LMF2: variants seen among roughly 807,000 people sequenced by gnomAD.
LMF2 encodes the protein lipase maturation factor 2.
A neutral mutation model predicts 81.5 loss-of-function variants in LMF2; 113 were observed. The observed-to-expected ratio is 1.39, with a 90% CI of 1.19 to 1.62. LMF2 has a LOEUF of 1.62. Among genes scored for constraint, LMF2 ranks in the 40% most tolerant of loss-of-function variants. The pLI, the probability that LMF2 is intolerant of heterozygous loss-of-function variation, is 0.00. For missense variants in LMF2, 1,235 were observed against 929.1 expected (o/e 1.33, Z -4.28); for synonymous variants, 645 against 424.5 (o/e 1.52, Z -6.39).
In LMF2 at chr22:50,504,859, C is replaced by G; in HGVS notation, c.1380G>C (p.Gly460=). 6.2e-7 allele frequency: 1 copy of G among 1,611,330 alleles called. No individual in the cohort carries two copies. The highest frequency in any genetic ancestry group is 1.3e-5 in the African/African-American group (1 of 75,010). The change falls in exon 10 of 14, where the codon GGG becomes GGC. Residue 460 remains glycine (G), a synonymous_variant. Coordinates refer to ENST00000474879, the MANE Select transcript of LMF2 (RefSeq NM_033200.3). ...NSYGLFRRMT[G]LGGRPEVVLE... ...GCACCACCTCAGGCCGTCCACCAAG[C>G]CCAGTCATGCGGCGGAAGAGGCCGT...
At position 50,505,462 on chromosome 22, in the gene LMF2, G is replaced by T; in HGVS notation, c.992C>A (p.Thr331Asn). 1.9e-6 allele frequency: 3 copies of T among 1,613,048 alleles called. No individual in the cohort carries two copies. The highest frequency in any genetic ancestry group is 2.5e-6 in the Non-Finnish European group (3 of 1,180,028). ...LAVYGLLAYG[T>N]VHYFGLEVDW... ...AACCTCCAGGCCAAAGTAGTGCACA[G>T]TGCCATAGGCCAGAAGCCCGTAGAC... The change falls in exon 7 of 14, where the codon ACT becomes AAT. Residue 331 changes from threonine (T) to asparagine (N), a missense_variant. Coordinates refer to ENST00000474879, the MANE Select transcript of LMF2 (RefSeq NM_033200.3).
chr22:50,504,040 C>T, intron 12 of LMF2, 136 bp from the exon 13 acceptor site: 2 of 816,768 alleles, frequency 2.4e-6, no homozygotes, highest in South Asian at 1.8e-5. Context: ...ACCCCTGCAC[C>T]CCGGGCTCCA....
chr22:50,505,512 G>C lies in LMF2; in HGVS notation c.942C>G (p.Thr314=), dbSNP rs2068537109. The C allele has an allele frequency of 4.3e-6, 7 of 1,612,658 alleles. No individual in the cohort carries two copies. Among genetic ancestry groups the C allele is most frequent in the Non-Finnish European group, 5.9e-6 (7 of 1,180,020 alleles). The change falls in exon 7 of 14, where the codon ACC becomes ACG. Residue 314 remains threonine, a synonymous_variant. Transcript: ENST00000474879. ...ATSWPKALLA[T]LSLLLELAVY... ...CGGCTAGTTCCAGCAGCAGCGACAG[G>C]GTGGCCAGCAGGGCCTTGGGCCAGG... is the stretch of plus-strand genomic sequence containing the variant.
In LMF2 at chr22:50,505,415, G is replaced by A. The variant is rs747660191; in HGVS notation, c.1039C>T (p.His347Tyr). 1.6e-5 allele frequency: 26 copies of A among 1,613,146 alleles called. 1 individual carries two copies. In the South Asian group the frequency reaches 2.9e-4, roughly 18 times the overall value. ...LEVDWQQRTI[H>Y]SRTTFTFHQF... ...GGTCGGCACTCACTGGTTCTGGAGTGGATGGTGCGCTGCTGCCAGTCAACC... is the reference window on the plus strand; with the variant it reads ...GGTCGGCACTCACTGGTTCTGGAGTAGATGGTGCGCTGCTGCCAGTCAACC... Residue 347 changes from histidine to tyrosine, a missense_variant, in exon 7 of 14, where the codon CAC becomes TAC. His to Tyr is a moderately conservative substitution (Grantham distance 83). Transcript: ENST00000474879.
chr22:50,506,554 C>T, intron 3 of LMF2, 52 bp from the exon 4 acceptor site: 2 of 1,582,906 alleles, frequency 1.3e-6, no homozygotes, highest in Non-Finnish European at 8.6e-7. Flanking sequence ...AGCTGCTTCC[C>T]TCGGAAAGTC....
intron 1 of LMF2, 50 bp from the exon 2 acceptor site, chr22:50,507,085 G>A (rs1569519051): frequency 1.4e-5 from 22 of 1,540,708 alleles, no homozygotes; most frequent in Non-Finnish European, 1.8e-5. Flanking sequence ...TTGCAGACTA[G>A]ACTACCTCTG....
At position 50,503,544 on chromosome 22, in the gene LMF2, T is replaced by C; in HGVS notation, c.1971A>G (p.Ala657=). ...GAVRFVQALL[A]PCSLRSSPLA... ...GCGGGGAGGACCGGAGAGAACAGGGTGCTAGCAGGGCTTGCACAAATCTGA... is the reference window on the plus strand; with the variant it reads ...GCGGGGAGGACCGGAGAGAACAGGGCGCTAGCAGGGCTTGCACAAATCTGA... The change falls in exon 14 of 14, where the codon GCA becomes GCG. Residue 657 remains alanine (A), a synonymous_variant. Coordinates refer to ENST00000474879, the MANE Select transcript of LMF2 (RefSeq NM_033200.3). 6.4e-7 allele frequency: 1 copy of C among 1,560,998 alleles called. No homozygotes were observed. Among genetic ancestry groups the C allele is most frequent in the South Asian group, 1.2e-5 (1 of 84,664 alleles).
rs538197630 is a variant in LMF2, at chr22:50,505,386, C to T, written c.1051+17G>A. 6.2e-7 allele frequency: 1 copy of T among 1,613,250 alleles called. No homozygotes were observed. Among genetic ancestry groups the T allele is most frequent in the African/African-American group, 1.3e-5 (1 of 75,074 alleles). ...TGGTCCGCCCCTGCCCTCTGGCCCCCCCAGGTCGGCACTCACTGGTTCTGG... is the reference window on the plus strand; with the variant it reads ...TGGTCCGCCCCTGCCCTCTGGCCCCTCCAGGTCGGCACTCACTGGTTCTGG... On this transcript the variant is annotated intron_variant, in intron 7 of 13. Transcript: ENST00000474879.
Position 50,506,625 on chromosome 22 carries a change from A to C in LMF2, c.377+13T>G. The C allele has an allele frequency of 6.2e-7, 1 of 1,611,418 alleles. No homozygotes were observed. Among genetic ancestry groups the C allele is most frequent in the Non-Finnish European group, 8.5e-7 (1 of 1,178,860 alleles). On this transcript the variant is annotated intron_variant, in intron 3 of 13. Transcript: ENST00000474879. ...CCCAGCCTCCCACAGCCCCAGGCCCAGCCGTCACTCACCACTGGAAATAAA... is the reference window on the plus strand; with the variant it reads ...CCCAGCCTCCCACAGCCCCAGGCCCCGCCGTCACTCACCACTGGAAATAAA...
Position 50,503,108 on chromosome 22 carries a change from C to T in LMF2, c.*283G>A. 2 of 426,100 alleles carry T rather than the reference C, an allele frequency of 4.7e-6. No homozygotes were observed. Among genetic ancestry groups the T allele is most frequent in the Non-Finnish European group, 8.4e-6 (2 of 239,388 alleles). The allele number at this position is 426,100 out of a possible 1,614,324, so 26.4% of individuals were successfully genotyped here. On this transcript the variant is annotated 3_prime_UTR_variant, in exon 14 of 14. Coordinates refer to ENST00000474879, the MANE Select transcript of LMF2 (RefSeq NM_033200.3). ...TAGGGTTGGGGGCTCTAGACTCAGA[C>T]CCCCACAGCCCAGGGCAGGGGAAGG...
rs2068464939 is a variant in LMF2, at chr22:50,503,641, C to A, written c.1874G>T (p.Trp625Leu). The A allele has an allele frequency of 6.3e-7, 1 of 1,577,926 alleles. No homozygotes were observed. Among genetic ancestry groups the A allele is most frequent in the Non-Finnish European group, 8.6e-7 (1 of 1,163,064 alleles). Residue 625 changes from tryptophan to leucine, a missense_variant, in exon 14 of 14, where the codon TGG (tryptophan) becomes TTG (leucine). Physicochemically the swap from Trp to Leu is moderately conservative, Grantham distance 61. Transcript: ENST00000474879. ...CAGGGGAGACAGCTGAGAGCGAGTCCAGTGGAGGGCCTGGGCCAGGGTGCT... is the reference window on the plus strand; with the variant it reads ...CAGGGGAGACAGCTGAGAGCGAGTCAAGTGGAGGGCCTGGGCCAGGGTGCT... Reference protein sequence around the residue: ...ANSTLAQALHWTRSQLSPLEA... With the variant: ...ANSTLAQALHLTRSQLSPLEA...
At chr22:50,506,552 C>G in intron 3 of LMF2, 50 bp from the exon 4 acceptor site, 2 of 1,581,338 alleles carry the variant, frequency 1.3e-6, no homozygotes, top group Non-Finnish European at 1.7e-6. Flanking sequence ...ACAGCTGCTT[C>G]CCTCGGAAAG....
chr22:50,506,445 TGGCCTCA>T lies in LMF2; in HGVS notation c.428_434del (p.Leu143GlnfsTer43), dbSNP rs1569518735. ...GGGGGGCCTCCTTGCGGTGGGAGGC[TGGCCTCA>T]GCGGGGCCACCAGCACGGCCAGGAA... On this transcript the variant is annotated frameshift_variant, in exon 4 of 14. Coordinates refer to ENST00000474879, the MANE Select transcript of LMF2 (RefSeq NM_033200.3). LOFTEE classifies it high-confidence loss of function. The T allele has an allele frequency of 1.9e-6, 3 of 1,550,670 alleles. No homozygotes were observed. Among genetic ancestry groups the T allele is most frequent in the Non-Finnish European group, 1.7e-6 (2 of 1,148,572 alleles).
Position 50,504,924 on chromosome 22 carries a change from G to A in LMF2, c.1315C>T (p.Leu439=), listed in dbSNP as rs112882170. 95 of 1,608,072 alleles carry A rather than the reference G, an allele frequency of 5.9e-5. No individual in the cohort carries two copies. In the African/African-American group the frequency reaches 6.0e-4, roughly 10 times the overall value. The change falls in exon 10 of 14, where the codon CTG becomes TTG. Residue 439 remains leucine, a synonymous_variant. Coordinates refer to ENST00000474879, the MANE Select transcript of LMF2 (RefSeq NM_033200.3). Reference sequence around the variant, plus strand: ...TGTAGGTGCTCCACGGCACCAAACAGGCGGTGGGCCCCGGTCCAGAGGCGC... The same window carrying A: ...TGTAGGTGCTCCACGGCACCAAACAAGCGGTGGGCCCCGGTCCAGAGGCGC... ...HGRLWTGAHR[L]FGAVEHLQLA... is the part of the protein sequence containing the mutation.
In LMF2 at chr22:50,507,658, G is replaced by C. The variant is rs1262430158; in HGVS notation, c.18C>G (p.Leu6=). The change falls in exon 1 of 14, where the codon CTC becomes CTG. Residue 6 remains leucine, a synonymous_variant. Transcript: ENST00000474879. MAGSR[L]PRQLFLQGVA... ...CGCCCTGGAGGAAGAGCTGCCGCGGGAGCCGGGAGCCCGCCATGTCCGCTA... is the reference window on the plus strand; with the variant it reads ...CGCCCTGGAGGAAGAGCTGCCGCGGCAGCCGGGAGCCCGCCATGTCCGCTA... 1.3e-6 allele frequency: 2 copies of C among 1,550,354 alleles called. No individual in the cohort carries two copies. Among genetic ancestry groups the C allele is most frequent in the African/African-American group, 1.4e-5 (1 of 73,044 alleles).
Position 50,506,062 on chromosome 22 carries a change from G to A in LMF2, c.747C>T (p.Arg249=), listed in dbSNP as rs141408392. The stretch of plus-strand genomic sequence containing the variant: ...GCGAGTAGAAAGCAGCCAAGCGCAG[G>A]CGTCGAATGGGGGCGAAGAACAGGG... The part of the protein sequence containing the change: ...VPPLFFAPIR[R]LRLAAFYSQV... The change falls in exon 5 of 14, where the codon CGC becomes CGT. Residue 249 remains arginine, a synonymous_variant. Coordinates refer to ENST00000474879, the MANE Select transcript of LMF2 (RefSeq NM_033200.3). 5,336 of 1,591,304 alleles carry A rather than the reference G, an allele frequency of 3.4e-3. 8 individuals carry two copies. Among genetic ancestry groups the A allele is most frequent in the Non-Finnish European group, 3.5e-3 (4,096 of 1,169,250 alleles).
Position 50,506,229 on chromosome 22 carries a change from G to T in LMF2, c.596-16C>A. The T allele has an allele frequency of 6.4e-7, 1 of 1,551,080 alleles. No individual in the cohort carries two copies. Among genetic ancestry groups the T allele is most frequent in the African/African-American group, 1.4e-5 (1 of 73,290 alleles). ...TAGGTGAGGGCTGCAGGCGAGGGCAGGAGTCAGGGCTGGCCGAGCCCCCAG... is the reference window on the plus strand; with the variant it reads ...TAGGTGAGGGCTGCAGGCGAGGGCATGAGTCAGGGCTGGCCGAGCCCCCAG... On this transcript the variant is annotated splice_polypyrimidine_tract_variant and intron_variant, in intron 4 of 13. Coordinates refer to ENST00000474879, the MANE Select transcript of LMF2 (RefSeq NM_033200.3).
intron 7 of LMF2, 34 bp downstream of exon 7, chr22:50,505,369 C>T (rs1395720721): frequency 1.2e-6 from 2 of 1,613,224 alleles, no homozygotes. Flanking sequence ...ACTGGTCCGC[C>T]CCTGCCCTCT....
At position 50,506,316 on chromosome 22, in the gene LMF2, G is replaced by T. The variant is rs763758454; in HGVS notation, c.564C>A (p.Thr188=). The change falls in exon 4 of 14, where the codon ACC becomes ACA. Residue 188 remains threonine (T), a synonymous_variant. Transcript: ENST00000474879. The part of the protein sequence containing the change: ...LMFASGVVKL[T]SRCPAWWGLT... ...GCCCCCACCACGCAGGGCAGCGGCTGGTCAGCTTGACCACGCCTGAGGCGA... is the reference window on the plus strand; with the variant it reads ...GCCCCCACCACGCAGGGCAGCGGCTTGTCAGCTTGACCACGCCTGAGGCGA... The T allele has an allele frequency of 1.9e-6, 3 of 1,549,632 alleles. No homozygotes were observed. Among genetic ancestry groups the T allele is most frequent in the Non-Finnish European group, 2.6e-6 (3 of 1,146,776 alleles).
Sources: gnomAD v4.1 joint callset for allele counts on GRCh38, gnomAD v4.1.1 for gene constraint, MANE v1.5 for transcripts, NCBI Gene and HGNC (gene_info 2026-07-23, HGNC 2026-07-21) for gene names.